CLVS1: variants seen among roughly 807,000 people sequenced by gnomAD.
CLVS1 encodes the protein clavesin-1.
In CLVS1, 10 loss-of-function variants were observed where a neutral mutation model predicts 33.1. The observed-to-expected ratio is 0.30, with a 90% CI of 0.19 to 0.51. The LOEUF (loss-of-function observed/expected upper bound fraction) is 0.51, where lower values mean the gene tolerates loss of function less well. CLVS1 is among the 20% of genes least tolerant of loss of function. CLVS1 has a pLI of 0.97. For synonymous variants in CLVS1, 163 were observed against 166.1 expected (o/e 0.98, Z 0.14); for missense variants, 343 against 433.4 (o/e 0.79, Z 1.85).
the CLVS1 span, among the ~76,000 whole-genome samples, chr8:60,966,991 C>CA: frequency 1.3e-5 from 2 of 152,174 alleles, no homozygotes; most frequent in African/African-American, 4.8e-5. Context: ...AGAAACAACT[C>CA]AGTTTTGCAC....
At chr8:61,268,048 G>C (rs1809349023) in intron 2 of CLVS1, among the ~76,000 whole-genome samples, 1 of 151,662 alleles carries the variant, frequency 6.6e-6, no homozygotes, top group African/African-American at 2.4e-5. Context: ...TAAATTTTAG[G>C]GTACATGTGC....
rs527325860 is a variant in CLVS1 at position 61,138,673 on chromosome 8, C to T, written c.-152+6813C>T. On this transcript the variant is annotated intron_variant, in intron 2 of 2. Transcript: ENST00000522621. The stretch of plus-strand genomic sequence containing the variant: ...GTCCAGTGGGTCCCCAGGAGTCCAG[C>T]GCTGGCAGTGGTCTGAAGAGTGGTA... Among the ~76,000 whole-genome samples the T allele has an allele frequency of 3.3e-4, 50 of 152,142 alleles. No individual in the cohort carries two copies. The South Asian group carries it at 6.4e-3, about 20-fold the overall frequency.
rs1259613665 is a variant in CLVS1, at chr8:61,425,909, A to C, written c.631-28232A>C. Among the ~76,000 whole-genome samples, 8 of 152,324 alleles carry C rather than the reference A, an allele frequency of 5.3e-5. No homozygotes were observed. In the East Asian group the frequency reaches 1.3e-3, roughly 26 times the overall value. ...GCTTGATTGCTGTAAGATCAGATACAACACCATTTTGCATGAAGTTAGAGC... is the reference window on the plus strand; with the variant it reads ...GCTTGATTGCTGTAAGATCAGATACCACACCATTTTGCATGAAGTTAGAGC... On this transcript the variant is annotated intron_variant, in intron 3 of 5. Coordinates refer to ENST00000325897, the MANE Select transcript of CLVS1 (RefSeq NM_173519.3).
At chr8:61,404,936 G>A (rs1212250985) in intron 3 of CLVS1, among the ~76,000 whole-genome samples, 3 of 152,188 alleles carry the variant, frequency 2.0e-5, no homozygotes, top group African/African-American at 7.2e-5. Context: ...GAGGATGGGA[G>A]GGACTGAGTA....
At chr8:61,250,727 T>G (rs1228669526) in intron 2 of CLVS1, among the ~76,000 whole-genome samples, 1 of 152,196 alleles carries the variant, frequency 6.6e-6, no homozygotes, top group Non-Finnish European at 1.5e-5. Context: ...TTGTCTGTTA[T>G]TGGTGTAAAG....
chr8:61,355,004 C>G (rs530655825), intron 2 of CLVS1, among the ~76,000 whole-genome samples: 1 of 152,124 alleles, frequency 6.6e-6, no homozygotes, highest in Non-Finnish European at 1.5e-5. Context: ...CTACAGTTAC[C>G]TCAATTTAAA....
At chr8:61,376,285 G>A (rs1813637627) in intron 2 of CLVS1, among the ~76,000 whole-genome samples, 1 of 152,188 alleles carries the variant, frequency 6.6e-6, no homozygotes, top group Non-Finnish European at 1.5e-5. Flanking sequence ...GGAGAAAGAT[G>A]GGTAAGGGAT....
chr8:61,415,124 C>G (rs1462161265), intron 3 of CLVS1, among the ~76,000 whole-genome samples: 4 of 152,264 alleles, frequency 2.6e-5, no homozygotes. Flanking sequence ...CTTGCCTCAT[C>G]TGTATTCTGA....
intron 3 of CLVS1, among the ~76,000 whole-genome samples, chr8:61,402,717 C>T (rs1050855347): frequency 9.2e-5 from 14 of 152,160 alleles, no homozygotes; most frequent in Non-Finnish European, 1.6e-4. Context: ...TCCATGTGCT[C>T]AAGGAATTTG....
chr8:61,295,128 G>A (rs1025361058), intron 1 of CLVS1, among the ~76,000 whole-genome samples: 3 of 152,292 alleles, frequency 2.0e-5, no homozygotes, highest in African/African-American at 4.8e-5. Flanking sequence ...TGGCCTTGCC[G>A]GAGAATGTTT....
chr8:61,229,065 C>A (rs1808383573), intron 2 of CLVS1, among the ~76,000 whole-genome samples: 1 of 152,208 alleles, frequency 6.6e-6, no homozygotes, highest in Non-Finnish European at 1.5e-5. Context: ...ACTTACCTTA[C>A]ATCTTTTTTG....
intron 2 of CLVS1, among the ~76,000 whole-genome samples, chr8:61,192,563 A>G (rs1479002143): frequency 6.6e-6 from 1 of 152,232 alleles, no homozygotes; most frequent in African/African-American, 2.4e-5. Flanking sequence ...AAAAGAAACT[A>G]CCATCAGAGT....
intron 5 of CLVS1, among the ~76,000 whole-genome samples, chr8:61,496,680 A>C (rs1209516331): frequency 6.6e-6 from 1 of 152,142 alleles, no homozygotes; most frequent in African/African-American, 2.4e-5. Flanking sequence ...GTAGAAATAA[A>C]TTTTTTTGAG....
At chr8:61,011,830 G>T in the CLVS1 span, among the ~76,000 whole-genome samples, 1 of 152,204 alleles carries the variant, frequency 6.6e-6, no homozygotes. Context: ...AAGCTTAAAT[G>T]TAGAAGACTG....
At chr8:61,006,969 G>T in the CLVS1 span, among the ~76,000 whole-genome samples, 2 of 152,192 alleles carry the variant, frequency 1.3e-5, no homozygotes, top group African/African-American at 4.8e-5. Context: ...GGTGATTCCT[G>T]CATTCTTCTG....
chr8:61,262,608 C>T (rs1238510945), intron 2 of CLVS1, among the ~76,000 whole-genome samples: 1 of 152,170 alleles, frequency 6.6e-6, no homozygotes, highest in Non-Finnish European at 1.5e-5. Context: ...AGCACATGTG[C>T]TAAACTTGTC....
At chr8:61,365,186 T>C (rs937512382) in intron 2 of CLVS1, among the ~76,000 whole-genome samples, 1 of 152,194 alleles carries the variant, frequency 6.6e-6, no homozygotes, top group African/African-American at 2.4e-5. Flanking sequence ...AGAAAGAATA[T>C]TCTATTTCAG....
intron 3 of CLVS1, among the ~76,000 whole-genome samples, chr8:61,385,758 G>A (rs1814057848): frequency 6.6e-6 from 1 of 152,254 alleles, no homozygotes; most frequent in Admixed American, 6.5e-5. Flanking sequence ...GAAAGTTTCA[G>A]GTATACGTGA....
intron 2 of CLVS1, among the ~76,000 whole-genome samples, chr8:61,139,793 T>G (rs989306748): frequency 6.6e-6 from 1 of 151,968 alleles, no homozygotes; most frequent in Non-Finnish European, 1.5e-5. Context: ...TCCTTCACGG[T>G]CTCAGTTGAC....
Sources: gnomAD v4.1 joint callset for allele counts (sites outside exome capture counted in the v4.1 genomes callset) on GRCh38, gnomAD v4.1.1 for gene constraint, MANE v1.5 for transcripts, NCBI Gene and HGNC (gene_info 2026-07-23, HGNC 2026-07-21) for gene names.